Variants in STPG2 observed in about 807,000 individuals in gnomAD.
STPG2 encodes the protein sperm tail PG-rich repeat containing 2.
STPG2 carries 56 observed loss-of-function variants against 54.2 expected under a neutral mutation model. The observed-to-expected ratio is 1.03, with a 90% CI of 0.83 to 1.29. STPG2 has a LOEUF of 1.29. Among genes scored for constraint, STPG2 ranks in the 50% most tolerant of loss-of-function variants. The pLI is 0.00. For missense variants in STPG2, 596 were observed against 544.9 expected (o/e 1.09, Z -0.93); for synonymous variants, 200 against 181.8 (o/e 1.10, Z -0.81).
chr4:97,591,356 T>C (rs1733142377), intron 10 of STPG2, among the ~76,000 whole-genome samples: 1 of 152,178 alleles, frequency 6.6e-6, no homozygotes, highest in African/African-American at 2.4e-5. Flanking sequence ...CTGGTAGCAA[T>C]GGATGAATAT....
intron 5 of STPG2, among the ~76,000 whole-genome samples, chr4:98,020,171 T>C (rs1271886758): frequency 2.3e-5 from 3 of 132,822 alleles, no homozygotes; most frequent in African/African-American, 8.8e-5. Context: ...AGATAGCTCT[T>C]ATTATTTTGA....
At position 97,635,467 on chromosome 4, in the gene STPG2, C is replaced by G. The variant is rs188260039; in HGVS notation, c.1321-76350G>C. ...AAATAACCAGCTAACATCATAATGA[C>G]AGGATCAAATTCACACATAACCCTA... On this transcript the variant is annotated intron_variant, in intron 10 of 10. Transcript: ENST00000295268. Among the ~76,000 whole-genome samples the G allele has an allele frequency of 9.5e-3, 1,452 of 152,258 alleles. 6 individuals are homozygous for G. Among genetic ancestry groups the G allele is most frequent in the Non-Finnish European group, 0.015 (1,042 of 68,030 alleles).
At chr4:98,020,690 T>G (rs538205806) in intron 5 of STPG2, among the ~76,000 whole-genome samples, 5 of 152,228 alleles carry the variant, frequency 3.3e-5, no homozygotes, top group Non-Finnish European at 7.4e-5. Context: ...TTCCCACAAT[T>G]TCAGATCCTG....
intron 10 of STPG2, among the ~76,000 whole-genome samples, chr4:97,680,411 T>A (rs1273165559): frequency 6.6e-6 from 1 of 152,148 alleles, no homozygotes; most frequent in African/African-American, 2.4e-5. Flanking sequence ...AGTTCACTCA[T>A]GATTTGGCTC....
intron 5 of STPG2, among the ~76,000 whole-genome samples, chr4:98,036,790 G>A (rs1476673869): frequency 6.6e-6 from 1 of 151,976 alleles, no homozygotes; most frequent in Non-Finnish European, 1.5e-5. Context: ...ACCTGCACTT[G>A]TATCACTGAA....
chr4:97,873,576 TA>T (rs1344244154), intron 8 of STPG2, among the ~76,000 whole-genome samples: 3 of 147,856 alleles, frequency 2.0e-5, no homozygotes, highest in African/African-American at 7.3e-5. Flanking sequence ...TGTACAATCC[TA>T]AAAAATATCA....
intron 5 of STPG2, among the ~76,000 whole-genome samples, chr4:98,066,169 T>C (rs908272643): frequency 6.6e-6 from 1 of 152,196 alleles, no homozygotes; most frequent in Non-Finnish European, 1.5e-5. Flanking sequence ...CTAAAAATTT[T>C]ACAAAATTAC....
chr4:97,949,704 T>C (rs1378630277), intron 7 of STPG2, among the ~76,000 whole-genome samples: 1 of 152,186 alleles, frequency 6.6e-6, no homozygotes, highest in East Asian at 1.9e-4. Flanking sequence ...AGGCTAAAGA[T>C]AGGACCCCAG....
chr4:98,081,451 T>C (rs561526766), intron 5 of STPG2, among the ~76,000 whole-genome samples: 40 of 152,262 alleles, frequency 2.6e-4, no homozygotes, highest in African/African-American at 9.6e-4. Context: ...GTGAAAAAAT[T>C]ATCAATTTTT....
At chr4:98,009,467 T>G (rs570250151) in intron 5 of STPG2, among the ~76,000 whole-genome samples, 22 of 152,188 alleles carry the variant, frequency 1.4e-4, no homozygotes, top group African/African-American at 4.8e-4. Context: ...TTTCACTCTT[T>G]AATTTTTTAA....
chr4:97,742,235 G>T (rs1474742454), intron 9 of STPG2, among the ~76,000 whole-genome samples: 7 of 151,488 alleles, frequency 4.6e-5, no homozygotes. Flanking sequence ...GAGGAAGGAG[G>T]GATAGCATTA....
intron 1 of STPG2, among the ~76,000 whole-genome samples, chr4:98,141,282 G>T (rs1740274274): frequency 6.6e-6 from 1 of 152,114 alleles, no homozygotes; most frequent in Non-Finnish European, 1.5e-5. Context: ...AGTCTCTTGT[G>T]GGAAAAATCA....
Position 97,955,336 on chromosome 4 carries a change from T to A in STPG2, c.934-11329A>T, listed in dbSNP as rs565248299. On this transcript the variant is annotated intron_variant, in intron 7 of 10. Transcript: ENST00000295268. ...TTCACGCCATTCTCCTGCCTCAGCC[T>A]CCTGAGCAGCTGAAACTACAGGTGT... is the stretch of plus-strand genomic sequence containing the variant. Among the ~76,000 whole-genome samples the A allele has an allele frequency of 2.4e-4, 37 of 151,736 alleles. No individual in the cohort carries two copies. The South Asian group carries it at 7.5e-3, about 31-fold the overall frequency.
At chr4:97,821,718 G>A (rs773618775) in intron 9 of STPG2, among the ~76,000 whole-genome samples, 33 of 152,158 alleles carry the variant, frequency 2.2e-4, no homozygotes, top group Non-Finnish European at 3.8e-4. Context: ...TTAACATCAC[G>A]TGGAAGCTTC....
At position 98,064,968 on chromosome 4, in the gene STPG2, T is replaced by C. The variant is rs375030204; in HGVS notation, c.612+40985A>G. 2.0e-5 allele frequency among the ~76,000 whole-genome samples: 3 copies of C among 152,144 alleles called. No individual in the cohort carries two copies. In the East Asian group the frequency reaches 5.8e-4, roughly 29 times the overall value. ...AGACTGGAGTGCAGTGGTGCAAACA[T>C]AGCTCATTGCAGCCTGAAACTCCTG... On this transcript the variant is annotated intron_variant, in intron 5 of 10. Coordinates refer to ENST00000295268, the MANE Select transcript of STPG2 (RefSeq NM_174952.3).
intron 4 of STPG2, among the ~76,000 whole-genome samples, chr4:97,501,565 G>A (rs967946666): frequency 5.9e-5 from 9 of 151,682 alleles, no homozygotes; most frequent in East Asian, 2.0e-4. Context: ...GCATGGTGGC[G>A]CATGCCTGTA....
At chr4:97,877,849 G>T (rs1253415997) in intron 8 of STPG2, among the ~76,000 whole-genome samples, 3 of 152,098 alleles carry the variant, frequency 2.0e-5, no homozygotes, top group Non-Finnish European at 2.9e-5. Context: ...TAACTCAAAA[G>T]TCCACAGTCC....
intron 9 of STPG2, among the ~76,000 whole-genome samples, chr4:97,823,983 C>T (rs6532701): frequency 0.39 from 59,712 of 151,902 alleles, 11,860 homozygotes; most frequent in Middle Eastern, 0.46. Flanking sequence ...TCCCTCTTGG[C>T]TAACAACAGG....
intron 8 of STPG2, among the ~76,000 whole-genome samples, chr4:97,932,644 G>C (rs1732593810): frequency 6.6e-6 from 1 of 152,122 alleles, no homozygotes. Context: ...GTGTTAGTTT[G>C]CTGAGGATGA....
Sources: gnomAD v4.1 joint callset for allele counts (sites outside exome capture counted in the v4.1 genomes callset) on GRCh38, gnomAD v4.1.1 for gene constraint, MANE v1.5 for transcripts, NCBI Gene and HGNC (gene_info 2026-07-23, HGNC 2026-07-21) for gene names.